Variants in SRPK2 observed in about 807,000 individuals in gnomAD.
SRPK2 encodes the protein SRSF protein kinase 2.
SRPK2 carries 21 observed loss-of-function variants against 90.8 expected under a neutral mutation model. The observed-to-expected ratio is 0.23, with a 90% CI of 0.16 to 0.33. The LOEUF (loss-of-function observed/expected upper bound fraction) is 0.33. SRPK2 is among the 10% of genes least tolerant of loss of function. The pLI is 1.00. For synonymous variants in SRPK2, 288 were observed against 311.1 expected, an observed-to-expected ratio of 0.93 and a Z score of 0.78; for missense variants, 620 against 869.0, an observed-to-expected ratio of 0.71 and a Z score of 3.60.
intron 15 of SRPK2, among the ~76,000 whole-genome samples, chr7:105,118,763 G>C (rs1395294053): frequency 6.6e-6 from 1 of 151,760 alleles, no homozygotes; most frequent in African/African-American, 2.4e-5. Context: ...TACTTAAAAA[G>C]AAAAAAAGTA....
At chr7:105,324,011 GT>G (rs1813262058) in intron 2 of SRPK2, among the ~76,000 whole-genome samples, 2 of 140,362 alleles carry the variant, frequency 1.4e-5, no homozygotes, top group African/African-American at 5.4e-5. Flanking sequence ...GTGTGTGTGT[GT>G]GTGTGGTGGA....
intron 7 of SRPK2, among the ~76,000 whole-genome samples, chr7:105,152,691 C>CT (rs1455620693): frequency 6.6e-6 from 1 of 152,162 alleles, no homozygotes; most frequent in African/African-American, 2.4e-5. Context: ...TAATTCTTTC[C>CT]TCTGTTGCTT....
intron 2 of SRPK2, among the ~76,000 whole-genome samples, chr7:105,383,614 T>C (rs1821208755): frequency 6.6e-6 from 1 of 150,488 alleles, no homozygotes; most frequent in African/African-American, 2.5e-5. Context: ...GAGACGGGGT[T>C]TCACCCTATT....
intron 15 of SRPK2, among the ~76,000 whole-genome samples, chr7:105,124,600 C>G (rs1024818303): frequency 7.0e-6 from 1 of 142,634 alleles, no homozygotes; most frequent in African/African-American, 2.7e-5. Flanking sequence ...AAGATTGCGC[C>G]ACTGCACTCC....
upstream of SRPK2, among the ~76,000 whole-genome samples, chr7:105,391,223 G>A (rs1264037011): frequency 4.2e-5 from 5 of 118,602 alleles, no homozygotes; most frequent in East Asian, 2.0e-3. Flanking sequence ...TTTATTTATT[G>A]AGATGGAATT....
chr7:105,177,107 A>G (rs1792065518), intron 3 of SRPK2, among the ~76,000 whole-genome samples: 1 of 152,114 alleles, frequency 6.6e-6, no homozygotes, highest in African/African-American at 2.4e-5. Flanking sequence ...GTACCTGGTA[A>G]TTGTCAGGAA....
At chr7:105,389,374 C>A (rs760209844), upstream of SRPK2, 15 of 1,263,522 alleles carry the variant, frequency 1.2e-5, no homozygotes, top group East Asian at 6.8e-5. Context: ...ACCCCATGAG[C>A]GCCGCTTCCT....
chr7:105,203,661 C>T lies in SRPK2; in HGVS notation c.196G>A (p.Glu66Lys). 6.5e-7 allele frequency: 1 copy of T among 1,548,982 alleles called. No homozygotes were observed. Among genetic ancestry groups the T allele is most frequent in the Non-Finnish European group, 8.7e-7 (1 of 1,152,692 alleles). The change falls in exon 3 of 16, where the codon GAG becomes AAG. Residue 66 changes from glutamate (E) to lysine (K), a missense_variant. Around this residue, in one of 8 missense-constraint regions of SRPK2, gnomAD observed 196 missense variants for 339.2 expected, o/e 0.58. Transcript: ENST00000393651. ...TAGTCCGCAGGGTCCTCTTGCTCCT[C>T]ATCATCTGATCCCAGGATCTCCTCC... Reference protein sequence around the residue: ...PEEEILGSDDEEQEDPADYCK... With the variant: ...PEEEILGSDDKEQEDPADYCK...
intron 2 of SRPK2, among the ~76,000 whole-genome samples, chr7:105,335,534 CT>C (rs1307363354): frequency 6.6e-6 from 1 of 151,484 alleles, no homozygotes; most frequent in Non-Finnish European, 1.5e-5. Context: ...TTGTCTGTCT[CT>C]AGTTCCAACT....
rs762192041 is a variant in SRPK2, at chr7:105,160,630, G to C, written c.515-17C>G. On this transcript the variant is annotated splice_polypyrimidine_tract_variant and intron_variant, in intron 6 of 15. Coordinates refer to ENST00000393651, the MANE Select transcript of SRPK2 (RefSeq NM_182692.3). ...TGCAGACATCTGGGACACAGTTAAG[G>C]ATCGTTTGTGGATGCACTGCCTGGA... 1.1e-5 allele frequency: 17 copies of C among 1,524,514 alleles called. 1 individual carries two copies. In the South Asian group the frequency reaches 1.9e-4, roughly 17 times the overall value. 94.4% of individuals were successfully genotyped at this position (1,524,514 alleles called of 1,614,324 possible). A position where few individuals can be genotyped will look rare whatever the true frequency, so the allele number is the denominator to read the frequency against.
chr7:105,187,118 A>C (rs148730561), intron 3 of SRPK2, among the ~76,000 whole-genome samples: 1 of 152,220 alleles, frequency 6.6e-6, no homozygotes, highest in East Asian at 1.9e-4. Context: ...TTTAAGGCTA[A>C]GTTTGAGGAT....
chr7:105,163,200 A>G (rs1445758938), intron 6 of SRPK2, among the ~76,000 whole-genome samples: 1 of 152,200 alleles, frequency 6.6e-6, no homozygotes, highest in Non-Finnish European at 1.5e-5. Flanking sequence ...AACTCATACT[A>G]GTTTGTTAAA....
At chr7:105,354,355 T>C (rs1367023054) in intron 2 of SRPK2, among the ~76,000 whole-genome samples, 1 of 152,164 alleles carries the variant, frequency 6.6e-6, no homozygotes. Flanking sequence ...ATCCAGCTCA[T>C]CCACCCTGTA....
intron 2 of SRPK2, chr7:105,204,650 G>A (rs1795975290): frequency 2.1e-6 from 2 of 935,636 alleles, no homozygotes. Context: ...CCCGACATGT[G>A]AGTGCCATTC....
At chr7:105,366,145 AC>A (rs1176570282) in intron 2 of SRPK2, among the ~76,000 whole-genome samples, 5 of 151,256 alleles carry the variant, frequency 3.3e-5, no homozygotes, top group African/African-American at 1.2e-4. Context: ...GAGCCACCGC[AC>A]CCGGCCTAAT....
intron 7 of SRPK2, among the ~76,000 whole-genome samples, chr7:105,159,111 T>C (rs1807024076): frequency 6.6e-6 from 1 of 152,094 alleles, no homozygotes; most frequent in Non-Finnish European, 1.5e-5. Flanking sequence ...TCAACTGATA[T>C]AGAAGACAAT....
chr7:105,155,753 ATG>A (rs1484242373), intron 7 of SRPK2, among the ~76,000 whole-genome samples: 1 of 152,200 alleles, frequency 6.6e-6, no homozygotes, highest in Non-Finnish European at 1.5e-5. Context: ...AGTCTTAAAA[ATG>A]TGGGTAGACA....
At chr7:105,261,176 T>C (rs1416445098) in intron 2 of SRPK2, among the ~76,000 whole-genome samples, 1 of 152,174 alleles carries the variant, frequency 6.6e-6, no homozygotes, top group East Asian at 1.9e-4. Context: ...TAATTTCCAT[T>C]GTATATTAAA....
At chr7:105,250,515 C>T (rs1802342685) in intron 2 of SRPK2, among the ~76,000 whole-genome samples, 1 of 152,116 alleles carries the variant, frequency 6.6e-6, no homozygotes. Flanking sequence ...TGGAGATATA[C>T]AGGTTTTCCC....
Sources: allele counts gnomAD v4.1 joint callset (sites outside exome capture counted in the v4.1 genomes callset), GRCh38; gene constraint gnomAD v4.1.1; regional missense constraint gnomAD v4.1.1; transcripts MANE v1.5; gene names NCBI Gene and HGNC (gene_info 2026-07-23, HGNC 2026-07-21).